PLCB2: variants seen among roughly 807,000 people sequenced by gnomAD.
PLCB2 encodes the protein phospholipase C beta 2, also known as 1-phosphatidylinositol 4,5-bisphosphate phosphodiesterase beta-2.
A neutral mutation model predicts 141.7 loss-of-function variants in PLCB2; 115 were observed. The observed-to-expected ratio is 0.81, with a 90% CI of 0.70 to 0.95. The LOEUF (loss-of-function observed/expected upper bound fraction) is 0.95. PLCB2 is among the 40% of genes least tolerant of loss of function. The pLI, the probability that PLCB2 is intolerant of heterozygous loss-of-function variation, is 0.00. For missense variants in PLCB2, 1,403 were observed against 1,541.1 expected, an observed-to-expected ratio of 0.91 and a Z score of 1.50; for synonymous variants, 603 against 595.6, an observed-to-expected ratio of 1.01 and a Z score of -0.18.
chr15:40,296,277 G>T lies in PLCB2; in HGVS notation c.1696+19C>A, dbSNP rs1201409390. 5.0e-6 allele frequency: 8 copies of T among 1,592,516 alleles called. No individual in the cohort carries two copies. In the South Asian group the frequency reaches 8.9e-5, roughly 18 times the overall value. On this transcript the variant is annotated intron_variant, in intron 16 of 31. Transcript: ENST00000260402. ...CCCCCTTCTTCTTACCCACCCGTAA[G>T]TTACTCATGCTAACTTACGGGCAGA...
Position 40,302,537 on chromosome 15 carries a change from C to A in PLCB2, c.304G>T (p.Val102Leu), listed in dbSNP as rs780624327. ...AGGTCCACCATGTCCGGGCCGGACACCACCGTGAGTGTCTTCAGCAGGAAA... is the reference window on the plus strand; with the variant it reads ...AGGTCCACCATGTCCGGGCCGGACAACACCGTGAGTGTCTTCAGCAGGAAA... ...NSFLLKTLTV[V>L]SGPDMVDLTF... Residue 102 changes from valine (V) to leucine (L), a missense_variant, in exon 4 of 32, where the codon GTG becomes TTG. Physicochemically the swap from Val to Leu is conservative, Grantham distance 32. Around this residue, in one of 4 missense-constraint regions of PLCB2, gnomAD observed 975 missense variants for 1,141.1 expected, o/e 0.85. Transcript: ENST00000260402. The A allele has an allele frequency of 6.2e-7, 1 of 1,614,198 alleles. No individual in the cohort carries two copies. Among genetic ancestry groups the A allele is most frequent in the Non-Finnish European group, 8.5e-7 (1 of 1,179,998 alleles).
At chr15:40,293,850 G>T in intron 19 of PLCB2, 126 bp from the exon 20 acceptor site, 1 of 912,658 alleles carries the variant, frequency 1.1e-6, no homozygotes, top group Non-Finnish European at 1.7e-6. Context: ...ACCTCACTCA[G>T]CTCTGGCCAT....
chr15:40,294,509 G>A, intron 18 of PLCB2, 89 bp from the exon 19 acceptor site: 1 of 1,403,336 alleles, frequency 7.1e-7, no homozygotes, highest in African/African-American at 1.4e-5. Flanking sequence ...TTTGCTGTCT[G>A]GTGAATGGGG....
In PLCB2 at chr15:40,288,631, G is replaced by A. The variant is rs969966012; in HGVS notation, c.*84C>T. The stretch of plus-strand genomic sequence containing the variant: ...GGTTCCCACAGCCTCAGAAGGCTGG[G>A]GCTCCTTTTTCCTGGGGGAATAGAA... On this transcript the variant is annotated 3_prime_UTR_variant, in exon 32 of 32. Transcript: ENST00000260402. 2 of 1,438,944 alleles carry A rather than the reference G, an allele frequency of 1.4e-6. No individual in the cohort carries two copies. Among genetic ancestry groups the A allele is most frequent in the Non-Finnish European group, 1.8e-6 (2 of 1,095,396 alleles). The allele number at this position is 1,438,944 out of a possible 1,614,324, so 89.1% of individuals were successfully genotyped here.
At chr15:40,288,948 C>G in intron 31 of PLCB2, 30 bp from the exon 32 acceptor site, 1 of 1,607,718 alleles carries the variant, frequency 6.2e-7, no homozygotes, top group Non-Finnish European at 8.5e-7. Context: ...CCCTGCCTGG[C>G]TCAGGAGGGG....
At position 40,297,748 on chromosome 15, in the gene PLCB2, G is replaced by A. The variant is rs1431751855; in HGVS notation, c.1238+129C>T. 4.2e-6 allele frequency: 4 copies of A among 947,218 alleles called. No homozygotes were observed. Among genetic ancestry groups the A allele is most frequent in the Non-Finnish European group, 1.7e-6 (1 of 597,208 alleles). The allele number at this position is 947,218 out of a possible 1,614,324, so 58.7% of individuals were successfully genotyped here. The stretch of plus-strand genomic sequence containing the variant: ...GAGCAGGAGAACATGAGGCCTTAGG[G>A]TGATTATACTGAGACGTGGGAGAAG... On this transcript the variant is annotated intron_variant, in intron 12 of 31. Coordinates refer to ENST00000260402, the MANE Select transcript of PLCB2 (RefSeq NM_004573.3). This position sits in a 1 kb window ranked among gnomAD's most constrained non-coding sequence, Gnocchi z 4.2.
At chr15:40,298,112 G>C (rs551777531) in intron 11 of PLCB2, 111 bp downstream of exon 11, 1 of 1,284,018 alleles carries the variant, frequency 7.8e-7, no homozygotes, top group African/African-American at 1.5e-5. Context: ...ATGGTCTGAG[G>C]CCTTCCAGCC....
rs368351409 is a variant in PLCB2, at chr15:40,307,683, G to A, written c.-11C>T. 44 of 1,547,152 alleles carry A rather than the reference G, an allele frequency of 2.8e-5. No homozygotes were observed. The highest frequency in any genetic ancestry group is 2.4e-4 in the South Asian group (20 of 82,620). On this transcript the variant is annotated 5_prime_UTR_variant, in exon 1 of 32. In the 5' UTR this introduces an upstream ATG that the reference lacks. Transcript: ENST00000260402. ...GTTGAGCAGAGACATGGTGCCAAGCGTTCCTCTTTGCAGAATCTCAGCAGA... is the reference window on the plus strand; with the variant it reads ...GTTGAGCAGAGACATGGTGCCAAGCATTCCTCTTTGCAGAATCTCAGCAGA...
chr15:40,288,106 T>C lies in PLCB2; in HGVS notation c.*609A>G. On this transcript the variant is annotated 3_prime_UTR_variant, in exon 32 of 32. Transcript: ENST00000260402. ...ACAGCACCCAAGAGCCCACTGCCCC[T>C]TGTGACTCAGCCAAGCAGGGCCAAG... 1 of 985,488 alleles carries C rather than the reference T, an allele frequency of 1.0e-6. No homozygotes were observed. The highest frequency in any genetic ancestry group is 1.2e-6 in the Non-Finnish European group (1 of 829,978). The allele number at this position is 985,488 out of a possible 1,614,324, so 61.0% of individuals were successfully genotyped here. A position where few individuals can be genotyped will look rare whatever the true frequency, so the allele number is the denominator to read the frequency against.
At position 40,298,891 on chromosome 15, in the gene PLCB2, G is replaced by T; in HGVS notation, c.757C>A (p.Arg253=). The T allele has an allele frequency of 6.2e-7, 1 of 1,611,678 alleles. No individual in the cohort carries two copies. The highest frequency in any genetic ancestry group is 8.5e-7 in the Non-Finnish European group (1 of 1,180,008). Residue 253 remains arginine, a synonymous_variant, in exon 9 of 32, where the codon CGG becomes AGG. Coordinates refer to ENST00000260402, the MANE Select transcript of PLCB2 (RefSeq NM_004573.3). ...GGCGGGAACAGCAGGGAGTTAAGCC[G>T]GGAGTCCCGCTGTTTCTGGTTGATG... The part of the protein sequence containing the change: ...KFINQKQRDS[R]LNSLLFPPAR...
chr15:40,297,764 G>A lies in PLCB2; in HGVS notation c.1238+113C>T, dbSNP rs137987736. On this transcript the variant is annotated intron_variant, in intron 12 of 31. Coordinates refer to ENST00000260402, the MANE Select transcript of PLCB2 (RefSeq NM_004573.3). This position sits in a 1 kb window ranked among gnomAD's most constrained non-coding sequence, Gnocchi z 4.2. The stretch of plus-strand genomic sequence containing the variant: ...GGCCTTAGGGTGATTATACTGAGAC[G>A]TGGGAGAAGCTGTAGGCAATGGTTA... 5.9e-4 allele frequency: 577 copies of A among 974,700 alleles called. 4 individuals are homozygous for A. In the African/African-American group the frequency reaches 8.2e-3, roughly 14 times the overall value. 60.4% of individuals were successfully genotyped at this position (974,700 alleles called of 1,614,324 possible). A position where few individuals can be genotyped will look rare whatever the true frequency, so the allele number is the denominator to read the frequency against.
At chr15:40,291,575 C>T in intron 25 of PLCB2, 31 bp downstream of exon 25, 1 of 1,612,706 alleles carries the variant, frequency 6.2e-7, no homozygotes, top group Non-Finnish European at 8.5e-7. Flanking sequence ...CCAGGCTCAT[C>T]CCCGAGATCA....
chr15:40,298,294 T>C lies in PLCB2; in HGVS notation c.1084A>G (p.Lys362Glu). The change falls in exon 11 of 32, where the codon AAG becomes GAG. Residue 362 changes from lysine to glutamate, a missense_variant. Lys to Glu is a moderately conservative substitution (Grantham distance 56). This residue lies in a region of PLCB2 where 975 missense variants were observed against 1,141.1 expected (regional missense o/e 0.85). Coordinates refer to ENST00000260402, the MANE Select transcript of PLCB2 (RefSeq NM_004573.3). ...GGCTCCTCGTCAGGGGGTTTCCCCT[T>C]CCAGCAGTCTAGCTCCACGCAACGG... ...GCRCVELDCW[K>E]GKPPDEEPII... The C allele has an allele frequency of 6.2e-7, 1 of 1,605,454 alleles. No homozygotes were observed. The highest frequency in any genetic ancestry group is 2.2e-5 in the East Asian group (1 of 44,672).
rs2040568137 is a variant in PLCB2 at position 40,302,462 on chromosome 15, G to A, written c.372+7C>T. On this transcript the variant is annotated splice_region_variant and intron_variant, in intron 4 of 31. Transcript: ENST00000260402. ...CCCAGACCCAGGCCCAGTGCTCCCT[G>A]GCACACCTTGCCCACGTTCTCCTTG... is the stretch of plus-strand genomic sequence containing the variant. 6.2e-7 allele frequency: 1 copy of A among 1,613,886 alleles called. No homozygotes were observed. Among genetic ancestry groups the A allele is most frequent in the Admixed American group, 1.7e-5 (1 of 59,990 alleles).
At chr15:40,293,241 G>A (rs1035800678) in intron 20 of PLCB2, among the ~76,000 whole-genome samples, 2 of 152,202 alleles carry the variant, frequency 1.3e-5, no homozygotes, top group African/African-American at 4.8e-5. Context: ...GGCTGGATTT[G>A]CAGCCCAAGG....
At chr15:40,296,166 A>T in intron 16 of PLCB2, 130 bp downstream of exon 16, 1 of 665,264 alleles carries the variant, frequency 1.5e-6, no homozygotes, top group South Asian at 1.8e-5. Context: ...AGAAACTGGG[A>T]GCCACTGCCA....
intron 21 of PLCB2, 77 bp downstream of exon 21, chr15:40,292,849 C>T (rs2040008723): frequency 2.2e-6 from 2 of 889,292 alleles, no homozygotes; most frequent in African/African-American, 3.4e-5. Flanking sequence ...ACTCCAGGCC[C>T]CCTCCCAGAA....
At position 40,297,950 on chromosome 15, in the gene PLCB2, C is replaced by T. The variant is rs1341095251; in HGVS notation, c.1165G>A (p.Glu389Lys). The T allele has an allele frequency of 1.9e-6, 3 of 1,609,496 alleles. No individual in the cohort carries two copies. The change falls in exon 12 of 32, where the codon GAG becomes AAG. Residue 389 changes from glutamate to lysine, a missense_variant. Glu to Lys is a moderately conservative substitution (Grantham distance 56). Around this residue, in one of 4 missense-constraint regions of PLCB2, gnomAD observed 975 missense variants for 1,141.1 expected, o/e 0.85. Transcript: ENST00000260402. This position sits in a 1 kb window ranked among gnomAD's most constrained non-coding sequence, Gnocchi z 4.2. Reference protein sequence around the residue: ...TTDIFFKEAIEAIAESAFKTS... With the variant: ...TTDIFFKEAIKAIAESAFKTS... ...TTAAAGGCGCTTTCTGCAATAGCCT[C>T]AATTGCTTCCTGGAGGAGAAGGAGA...
At chr15:40,302,212 C>G (rs1373608372) in intron 5 of PLCB2, 23 bp from the exon 6 acceptor site, 21 of 1,613,564 alleles carry the variant, frequency 1.3e-5, no homozygotes, top group Non-Finnish European at 1.7e-5. Context: ...AGCAGCCCGT[C>G]AAGGCCCAGG....
Sources: gnomAD v4.1 joint callset for allele counts (sites outside exome capture counted in the v4.1 genomes callset) on GRCh38, gnomAD v4.1.1 for gene constraint, gnomAD v4.1.1 regional missense constraint, Gnocchi (gnomAD v3.1) non-coding constraint, MANE v1.5 for transcripts, NCBI Gene and HGNC (gene_info 2026-07-23, HGNC 2026-07-21) for gene names.